The following SNTG2 variants were observed in gnomAD, a reference collection of about 807,000 sequenced individuals.
SNTG2 encodes gamma-2-syntrophin.
SNTG2 carries 74 observed loss-of-function variants against 70.9 expected under a neutral mutation model. That is an observed-to-expected ratio of 1.04 (90% CI 0.86 to 1.27). SNTG2 has a LOEUF of 1.27. SNTG2 is among the 50% of genes most tolerant of loss of function. SNTG2 has a pLI of 0.00. For missense variants in SNTG2, 717 were observed against 690.7 expected (o/e 1.04, Z -0.43); for synonymous variants, 278 against 273.8 (o/e 1.02, Z -0.15).
At chr2:1,017,963 C>G (rs2148005033) in intron 1 of SNTG2, among the ~76,000 whole-genome samples, 1 of 152,250 alleles carries the variant, frequency 6.6e-6, no homozygotes, top group South Asian at 2.1e-4. Flanking sequence ...CAGAGAGTGC[C>G]CCACGCCATC....
intron 16 of SNTG2, among the ~76,000 whole-genome samples, chr2:1,318,620 G>A (rs1681392419): frequency 6.6e-6 from 1 of 152,342 alleles, no homozygotes; most frequent in East Asian, 1.9e-4. Context: ...TCCTGGGGTC[G>A]TCAGCCACCA....
intron 1 of SNTG2, among the ~76,000 whole-genome samples, chr2:1,005,808 T>G (rs1227574217): frequency 1.6e-4 from 1 of 6,102 alleles, no homozygotes; most frequent in African/African-American, 7.6e-4. Context: ...TGCCTCAAAA[T>G]ATATATATAT....
At chr2:1,156,230 C>T (rs561419285) in intron 6 of SNTG2, among the ~76,000 whole-genome samples, 114 of 152,210 alleles carry the variant, frequency 7.5e-4, no homozygotes, top group African/African-American at 2.2e-3. Context: ...TGATGTAGGA[C>T]GAGGCGAATG....
intron 1 of SNTG2, among the ~76,000 whole-genome samples, chr2:1,049,505 A>T (rs1228156497): frequency 6.6e-6 from 1 of 152,134 alleles, no homozygotes; most frequent in Non-Finnish European, 1.5e-5. Context: ...TTTTGTTTTA[A>T]TGCTAAATCG....
At chr2:1,239,656 CT>C in intron 10 of SNTG2, 81 bp from the exon 11 acceptor site, 4 of 1,454,750 alleles carry the variant, frequency 2.7e-6, no homozygotes, top group Non-Finnish European at 3.8e-6. Flanking sequence ...CAGAGCGTGG[CT>C]GATGACTTCC....
At chr2:1,140,514 G>C (rs28628453) in intron 6 of SNTG2, among the ~76,000 whole-genome samples, 1 of 152,204 alleles carries the variant, frequency 6.6e-6, no homozygotes, top group African/African-American at 2.4e-5. Context: ...GGTTCCTCTC[G>C]TACCTGTACC....
At chr2:1,266,350 G>A (rs926830604) in intron 13 of SNTG2, among the ~76,000 whole-genome samples, 4 of 152,194 alleles carry the variant, frequency 2.6e-5, no homozygotes, top group African/African-American at 9.6e-5. Flanking sequence ...TTGCAGATGG[G>A]GGAAAGAAGT....
At chr2:1,077,062 T>C (rs1663965368) in intron 1 of SNTG2, among the ~76,000 whole-genome samples, 1 of 152,206 alleles carries the variant, frequency 6.6e-6, no homozygotes, top group African/African-American at 2.4e-5. Context: ...GATGCTGAAC[T>C]AAATATTTTT....
At chr2:1,206,824 CTA>C (rs955531233) in intron 8 of SNTG2, among the ~76,000 whole-genome samples, 22 of 152,286 alleles carry the variant, frequency 1.4e-4, no homozygotes, top group African/African-American at 5.1e-4. Flanking sequence ...AGGATGCATA[CTA>C]TTTTGTTTAT....
chr2:1,308,087 AC>A (rs1217110924), intron 14 of SNTG2, among the ~76,000 whole-genome samples: 1 of 152,216 alleles, frequency 6.6e-6, no homozygotes, highest in Non-Finnish European at 1.5e-5. Context: ...TTCTGCCGGA[AC>A]ATGCTTGTGG....
At chr2:1,074,766 A>G (rs1294296149) in intron 1 of SNTG2, among the ~76,000 whole-genome samples, 1 of 152,238 alleles carries the variant, frequency 6.6e-6, no homozygotes, top group Non-Finnish European at 1.5e-5. Flanking sequence ...AAATTATCAA[A>G]TGTTGAATTA....
chr2:1,187,584 C>T (rs745566613), intron 8 of SNTG2, among the ~76,000 whole-genome samples: 15 of 152,202 alleles, frequency 9.9e-5, no homozygotes, highest in Non-Finnish European at 1.8e-4. Flanking sequence ...CAAACACACA[C>T]ACCCCTCATT....
chr2:1,173,685 A>T (rs1671279176), intron 8 of SNTG2, among the ~76,000 whole-genome samples: 1 of 152,240 alleles, frequency 6.6e-6, no homozygotes, highest in African/African-American at 2.4e-5. Context: ...CTCCCTCAGA[A>T]GCCTGGGCTC....
intron 1 of SNTG2, among the ~76,000 whole-genome samples, chr2:1,082,943 T>G (rs1175526825): frequency 6.6e-6 from 1 of 152,234 alleles, no homozygotes; most frequent in Non-Finnish European, 1.5e-5. Context: ...CACATTGTGT[T>G]GCTTGCTGTC....
intron 7 of SNTG2, among the ~76,000 whole-genome samples, chr2:1,171,921 C>T (rs1443944751): frequency 6.6e-6 from 1 of 152,162 alleles, no homozygotes; most frequent in African/African-American, 2.4e-5. Context: ...TTCCTGTCTG[C>T]ACCAAGCGAG....
At position 1,096,379 on chromosome 2, in the gene SNTG2, G is replaced by A. The variant is rs1487093783; in HGVS notation, c.211-1817G>A. 3.9e-5 allele frequency among the ~76,000 whole-genome samples: 6 copies of A among 152,180 alleles called. No homozygotes were observed. In the East Asian group the frequency reaches 1.2e-3, roughly 29 times the overall value. On this transcript the variant is annotated intron_variant, in intron 2 of 16. Coordinates refer to ENST00000308624, the MANE Select transcript of SNTG2 (RefSeq NM_018968.4). ...GGTTTATTCTCTTAGCAAATTTTAA[G>A]GAAATATGGTATTATTAACCATAGT...
At chr2:1,275,376 T>A (rs1679226347) in intron 14 of SNTG2, among the ~76,000 whole-genome samples, 1 of 152,274 alleles carries the variant, frequency 6.6e-6, no homozygotes, top group African/African-American at 2.4e-5. Context: ...TTTCCAGCAG[T>A]CTGTGCTCTG....
intron 8 of SNTG2, among the ~76,000 whole-genome samples, chr2:1,197,515 ATGTG>A (rs71299845): frequency 0.18 from 21,633 of 123,270 alleles, 2,124 homozygotes; most frequent in East Asian, 0.29. Flanking sequence ...ATGTATATAT[ATGTG>A]TGTGTGTGTG....
At chr2:1,236,865 T>C (rs1484459149) in intron 9 of SNTG2, among the ~76,000 whole-genome samples, 1 of 152,238 alleles carries the variant, frequency 6.6e-6, no homozygotes, top group African/African-American at 2.4e-5. Flanking sequence ...GTTTGCTTTG[T>C]TCTGTATTTT....
Sources: gnomAD v4.1 joint callset for allele counts (sites outside exome capture counted in the v4.1 genomes callset) on GRCh38, gnomAD v4.1.1 for gene constraint, MANE v1.5 for transcripts, NCBI Gene and HGNC (gene_info 2026-07-23, HGNC 2026-07-21) for gene names.